Variants in LPP observed in about 807,000 individuals in gnomAD.
LPP encodes LIM domain containing preferred translocation partner in lipoma, also known as lipoma-preferred partner.
Under a neutral mutation model 60.4 loss-of-function variants are expected in LPP, and 38 were observed. The observed-to-expected ratio is 0.63, with a 90% CI of 0.49 to 0.83. LPP has a LOEUF of 0.83. LPP is among the 40% of genes least tolerant of loss of function. The pLI is 0.00. For synonymous variants in LPP, 328 were observed against 290.8 expected, an observed-to-expected ratio of 1.13 and a Z score of -1.30; for missense variants, 902 against 783.6, an observed-to-expected ratio of 1.15 and a Z score of -1.80.
chr3:188,696,153 A>T (rs1863190039), intron 7 of LPP, among the ~76,000 whole-genome samples: 3 of 152,114 alleles, frequency 2.0e-5, no homozygotes, highest in Admixed American at 1.3e-4. Flanking sequence ...ATAGAGTAGA[A>T]TGCCACCTCA....
intron 3 of LPP, among the ~76,000 whole-genome samples, chr3:188,401,171 A>G (rs1041295091): frequency 6.6e-5 from 10 of 152,180 alleles, no homozygotes; most frequent in Admixed American, 2.0e-4. Context: ...TCCATCCTAC[A>G]TGATTCAATT....
intron 6 of LPP, among the ~76,000 whole-genome samples, chr3:188,583,460 C>T (rs951126826): frequency 6.6e-6 from 1 of 152,146 alleles, no homozygotes; most frequent in Non-Finnish European, 1.5e-5. Flanking sequence ...ACATTTTCAG[C>T]ACACTCCTCT....
At position 188,881,025 on chromosome 3, in the gene LPP, A is replaced by T; in HGVS notation, c.*6546A>T. 1 of 161,960 alleles carries T rather than the reference A, an allele frequency of 6.2e-6. No homozygotes were observed. Among genetic ancestry groups the T allele is most frequent in the Non-Finnish European group, 1.4e-5 (1 of 73,652 alleles). 10.0% of individuals were successfully genotyped at this position (161,960 alleles called of 1,614,324 possible). A position where few individuals can be genotyped will look rare whatever the true frequency, so the allele number is the denominator to read the frequency against. On this transcript the variant is annotated 3_prime_UTR_variant, in exon 12 of 12. Coordinates refer to ENST00000617246, the MANE Select transcript of LPP (RefSeq NM_001375462.1). Reference sequence around the variant, plus strand: ...CTCAGTGGCGGGCGCCTGTAGTCCCAGCTACTCAGGAGGCTGAGGCAGGAG... The same window carrying T: ...CTCAGTGGCGGGCGCCTGTAGTCCCTGCTACTCAGGAGGCTGAGGCAGGAG...
intron 3 of LPP, among the ~76,000 whole-genome samples, chr3:188,345,514 A>G (rs1764101652): frequency 6.6e-6 from 1 of 152,158 alleles, no homozygotes. Flanking sequence ...AAAAAAAAGA[A>G]GACAGATGAG....
intron 4 of LPP, among the ~76,000 whole-genome samples, chr3:188,470,744 G>A (rs1801645603): frequency 6.6e-6 from 1 of 152,134 alleles, no homozygotes. Flanking sequence ...AACTCTTAAC[G>A]GAGACAGAGG....
chr3:188,283,701 T>G (rs1489342207), intron 2 of LPP, among the ~76,000 whole-genome samples: 3 of 152,158 alleles, frequency 2.0e-5, no homozygotes, highest in Non-Finnish European at 2.9e-5. Flanking sequence ...AGAGACATGT[T>G]TGACATGGGG....
intron 9 of LPP, among the ~76,000 whole-genome samples, chr3:188,793,881 G>A (rs545257826): frequency 6.6e-6 from 1 of 152,208 alleles, no homozygotes; most frequent in East Asian, 1.9e-4. Context: ...GACTGTCTAT[G>A]TAGTTGCCTT....
At chr3:188,737,105 T>TC (rs975025828) in intron 8 of LPP, among the ~76,000 whole-genome samples, 9 of 143,630 alleles carry the variant, frequency 6.3e-5, no homozygotes, top group African/African-American at 2.0e-4. Context: ...GATTTTATTT[T>TC]CCCCCCTAAT....
intron 6 of LPP, among the ~76,000 whole-genome samples, chr3:188,583,609 T>C (rs1560596042): frequency 6.6e-6 from 1 of 152,198 alleles, no homozygotes; most frequent in Non-Finnish European, 1.5e-5. Context: ...CCACCCATTT[T>C]AAGTTCCATG....
intron 8 of LPP, chr3:188,710,157 A>G (rs1476875086): frequency 4.6e-5 from 7 of 152,168 alleles, no homozygotes; most frequent in African/African-American, 1.7e-4. Flanking sequence ...CCTATATGGG[A>G]ATATGTAATG....
At chr3:188,444,816 T>C (rs1361806483) in intron 4 of LPP, among the ~76,000 whole-genome samples, 1 of 151,948 alleles carries the variant, frequency 6.6e-6, no homozygotes, top group Non-Finnish European at 1.5e-5. Context: ...CATCAAAAAG[T>C]GGGCAAAGGA....
chr3:188,691,602 CAT>C (rs983029257), intron 7 of LPP, among the ~76,000 whole-genome samples: 1 of 152,180 alleles, frequency 6.6e-6, no homozygotes, highest in Non-Finnish European at 1.5e-5. Context: ...TTGCAAGAAA[CAT>C]GTGCATTAGA....
chr3:188,482,879 A>C (rs1051732918), intron 4 of LPP, among the ~76,000 whole-genome samples: 1 of 152,192 alleles, frequency 6.6e-6, no homozygotes, highest in African/African-American at 2.4e-5. Flanking sequence ...GTGTGCTGTC[A>C]GACCCAAAGG....
At chr3:188,578,000 G>A (rs1835164242) in intron 6 of LPP, among the ~76,000 whole-genome samples, 1 of 151,846 alleles carries the variant, frequency 6.6e-6, no homozygotes, top group South Asian at 2.1e-4. Flanking sequence ...GATCTTAAAT[G>A]TACTACAGTA....
intron 9 of LPP, among the ~76,000 whole-genome samples, chr3:188,822,497 A>G (rs1306872986): frequency 1.3e-5 from 2 of 152,202 alleles, no homozygotes; most frequent in African/African-American, 4.8e-5. Context: ...GGGAGAAACA[A>G]GACATCTATC....
intron 7 of LPP, among the ~76,000 whole-genome samples, chr3:188,628,080 C>T (rs1227051480): frequency 6.6e-6 from 1 of 151,916 alleles, no homozygotes; most frequent in East Asian, 1.9e-4. Flanking sequence ...ACAGATACAA[C>T]ATACCAGAGA....
chr3:188,196,937 T>C (rs929745856), intron 1 of LPP, among the ~76,000 whole-genome samples: 1 of 152,198 alleles, frequency 6.6e-6, no homozygotes, highest in Non-Finnish European at 1.5e-5. Context: ...CTGCCTGGAA[T>C]ACTCCTCTGA....
intron 9 of LPP, among the ~76,000 whole-genome samples, chr3:188,792,362 G>A (rs1017812610): frequency 1.3e-5 from 2 of 152,164 alleles, no homozygotes; most frequent in Non-Finnish European, 2.9e-5. Flanking sequence ...CACCTCCTTT[G>A]CCTGCTTACC....
At chr3:188,485,022 G>A (rs1346763704) in intron 5 of LPP, among the ~76,000 whole-genome samples, 1 of 152,008 alleles carries the variant, frequency 6.6e-6, no homozygotes, top group African/African-American at 2.4e-5. Flanking sequence ...TTGTTATTTT[G>A]GAGGACATAC....
Sources: gnomAD v4.1 joint callset for allele counts (sites outside exome capture counted in the v4.1 genomes callset) on GRCh38, gnomAD v4.1.1 for gene constraint, MANE v1.5 for transcripts, NCBI Gene and HGNC (gene_info 2026-07-23, HGNC 2026-07-21) for gene names.